Variants in HSD17B11 observed in about 807,000 individuals in gnomAD.
HSD17B11 encodes estradiol 17-beta-dehydrogenase 11.
HSD17B11 carries 22 observed loss-of-function variants against 27.8 expected under a neutral mutation model. The observed-to-expected ratio is 0.79, with a 90% CI of 0.56 to 1.13. The LOEUF (loss-of-function observed/expected upper bound fraction) is 1.13, where lower values mean the gene tolerates loss of function less well. Among genes scored for constraint, HSD17B11 ranks in the 50% most tolerant of loss-of-function variants. The pLI, the probability that HSD17B11 is intolerant of heterozygous loss-of-function variation, is 0.00. For missense variants in HSD17B11, 314 were observed against 351.1 expected, an observed-to-expected ratio of 0.89 and a Z score of 0.84; for synonymous variants, 117 against 132.8, an observed-to-expected ratio of 0.88 and a Z score of 0.82.
intron 6 of HSD17B11, among the ~76,000 whole-genome samples, chr4:87,338,397 T>C (rs1735094291): frequency 2.6e-5 from 4 of 152,070 alleles, no homozygotes; most frequent in Admixed American, 2.6e-4. Context: ...CTAGATGGCA[T>C]GAAAAGAGGG....
chr4:87,339,825 T>C (rs1469335494), intron 6 of HSD17B11, among the ~76,000 whole-genome samples: 1 of 152,228 alleles, frequency 6.6e-6, no homozygotes, highest in African/African-American at 2.4e-5. Context: ...GGCAGCAGCA[T>C]TTTTTAAACT....
At chr4:87,370,275 A>G (rs1417678801) in intron 4 of HSD17B11, among the ~76,000 whole-genome samples, 3 of 152,222 alleles carry the variant, frequency 2.0e-5, no homozygotes, top group Admixed American at 2.0e-4. Flanking sequence ...TTTTGTGTGA[A>G]TAACAGGAAG....
At chr4:87,357,555 C>T in intron 4 of HSD17B11, 139 bp from the exon 5 acceptor site, 2 of 678,758 alleles carry the variant, frequency 2.9e-6, no homozygotes, top group Non-Finnish European at 4.6e-6. Flanking sequence ...TGCATCAGAG[C>T]CCACATCTTA....
Position 87,378,244 on chromosome 4 carries a change from A to G in HSD17B11, c.319-3414T>C, listed in dbSNP as rs1242113831. Among the ~76,000 whole-genome samples the G allele has an allele frequency of 2.0e-5, 3 of 152,238 alleles. No individual in the cohort carries two copies. The South Asian group carries it at 6.2e-4, about 32-fold the overall frequency. On this transcript the variant is annotated intron_variant, in intron 2 of 6. Transcript: ENST00000358290. ...ACCTATATACTATTTTATATTACCA[A>G]AGGATTTTCCCAGACACTCTTGACC...
chr4:87,357,949 ATTT>A (rs57139706), intron 4 of HSD17B11, among the ~76,000 whole-genome samples: 80 of 80,210 alleles, frequency 1.0e-3, no homozygotes, highest in Middle Eastern at 0.022. Flanking sequence ...CATTAGAGAA[ATTT>A]TTTTTTTTTT....
At chr4:87,365,675 T>C (rs995371684) in intron 4 of HSD17B11, among the ~76,000 whole-genome samples, 1 of 152,126 alleles carries the variant, frequency 6.6e-6, no homozygotes, top group Non-Finnish European at 1.5e-5. Flanking sequence ...GTTAGCATTG[T>C]AATGTGTAAT....
chr4:87,387,499 C>T (rs1011039441), intron 1 of HSD17B11, among the ~76,000 whole-genome samples: 11 of 152,204 alleles, frequency 7.2e-5, no homozygotes, highest in Non-Finnish European at 1.5e-4. Flanking sequence ...AAGAGCTTCA[C>T]ATCTCCAGTT....
intron 5 of HSD17B11, among the ~76,000 whole-genome samples, chr4:87,355,802 G>T (rs981969225): frequency 6.6e-6 from 1 of 152,080 alleles, no homozygotes; most frequent in African/African-American, 2.4e-5. Flanking sequence ...TACTCGGGAG[G>T]CTGAGGCACA....
At chr4:87,386,135 C>A (rs539371993) in intron 1 of HSD17B11, among the ~76,000 whole-genome samples, 151 of 152,172 alleles carry the variant, frequency 9.9e-4, no homozygotes, top group Non-Finnish European at 1.8e-4. Flanking sequence ...CGCTGTCTCA[C>A]TTTTGCCCTG....
chr4:87,364,405 G>A (rs1735581414), intron 4 of HSD17B11, among the ~76,000 whole-genome samples: 1 of 152,154 alleles, frequency 6.6e-6, no homozygotes, highest in Non-Finnish European at 1.5e-5. Context: ...TTTGAGTTTG[G>A]GGGAGGGGGG....
At chr4:87,340,839 G>A (rs1011535201) in intron 5 of HSD17B11, among the ~76,000 whole-genome samples, 6 of 152,090 alleles carry the variant, frequency 3.9e-5, no homozygotes, top group Non-Finnish European at 7.4e-5. Context: ...CTTCTACATA[G>A]GTTATTCCAT....
chr4:87,366,719 C>T (rs969512583), intron 4 of HSD17B11, among the ~76,000 whole-genome samples: 9 of 152,088 alleles, frequency 5.9e-5, no homozygotes, highest in Non-Finnish European at 1.0e-4. Context: ...CAGTTGTTGT[C>T]TTGTTTTAAT....
At chr4:87,368,616 C>G (rs1735651429) in intron 4 of HSD17B11, among the ~76,000 whole-genome samples, 3 of 152,190 alleles carry the variant, frequency 2.0e-5, no homozygotes. Context: ...ACCTACCGGA[C>G]TGCATTCCCA....
chr4:87,340,219 CCTT>C, intron 6 of HSD17B11: 1 of 203,600 alleles, frequency 4.9e-6, no homozygotes, highest in South Asian at 1.0e-4. Flanking sequence ...TAAAAACTAT[CCTT>C]CTTCAGAGTC....
chr4:87,363,735 A>C (rs576492320), intron 4 of HSD17B11, among the ~76,000 whole-genome samples: 26 of 152,380 alleles, frequency 1.7e-4, no homozygotes, highest in East Asian at 9.6e-4. Flanking sequence ...GAGAAAAGAA[A>C]TAGACACTGC....
chr4:87,367,353 C>T (rs929691130), intron 4 of HSD17B11, among the ~76,000 whole-genome samples: 2 of 152,108 alleles, frequency 1.3e-5, no homozygotes, highest in African/African-American at 4.8e-5. Flanking sequence ...CACTTTCTTA[C>T]AGGTCCAGGA....
chr4:87,363,795 C>G (rs965395059), intron 4 of HSD17B11, among the ~76,000 whole-genome samples: 1 of 152,178 alleles, frequency 6.6e-6, no homozygotes, highest in African/African-American at 2.4e-5. Context: ...CAGTGGCAGT[C>G]TAGGTTCAAT....
intron 4 of HSD17B11, among the ~76,000 whole-genome samples, chr4:87,370,543 C>A (rs967400546): frequency 6.6e-6 from 1 of 150,468 alleles, no homozygotes; most frequent in South Asian, 2.1e-4. Flanking sequence ...AGCCTCCCGA[C>A]TAGCTGGGAC....
intron 5 of HSD17B11, among the ~76,000 whole-genome samples, chr4:87,353,761 A>C (rs1190584960): frequency 1.3e-5 from 2 of 152,180 alleles, no homozygotes; most frequent in Non-Finnish European, 2.9e-5. Flanking sequence ...ATTCAATTAT[A>C]ACTTTTGAAA....
Sources: gnomAD v4.1 joint callset for allele counts (sites outside exome capture counted in the v4.1 genomes callset) on GRCh38, gnomAD v4.1.1 for gene constraint, MANE v1.5 for transcripts, NCBI Gene and HGNC (gene_info 2026-07-23, HGNC 2026-07-21) for gene names.